Variants in PLCH1 observed in about 807,000 individuals in gnomAD.
The protein encoded by PLCH1 is 1-phosphatidylinositol 4,5-bisphosphate phosphodiesterase eta-1.
Under a neutral mutation model 126.7 loss-of-function variants are expected in PLCH1, and 60 were observed. The observed-to-expected ratio is 0.47, with a 90% confidence interval of 0.38 to 0.59. The LOEUF is 0.59. PLCH1 is among the 20% of genes least tolerant of loss of function. The probability of loss-of-function intolerance (pLI) is 0.00; values close to 1 mark genes in which losing one functional copy is unlikely to be tolerated. For missense variants in PLCH1, 1,723 were observed against 2,040.0 expected (o/e 0.84, Z 2.99); for synonymous variants, 719 against 734.9 (o/e 0.98, Z 0.35).
chr3:155,569,227 C>A (rs1560181946), intron 6 of PLCH1, among the ~76,000 whole-genome samples: 1 of 152,140 alleles, frequency 6.6e-6, no homozygotes, highest in East Asian at 1.9e-4. Context: ...TTTAGTCCCA[C>A]AATCTAACAT....
chr3:155,739,013 T>C (rs181089584), intron 1 of PLCH1, among the ~76,000 whole-genome samples: 1 of 152,312 alleles, frequency 6.6e-6, no homozygotes, highest in Admixed American at 6.5e-5. Context: ...CAATTGGCTG[T>C]GTGAACGATG....
At chr3:155,698,906 C>T (rs1406283611) in intron 2 of PLCH1, among the ~76,000 whole-genome samples, 1 of 151,638 alleles carries the variant, frequency 6.6e-6, no homozygotes, top group African/African-American at 2.4e-5. Flanking sequence ...TACCTGGCAA[C>T]GCTGCTTCCA....
At chr3:155,672,725 C>A (rs867721664) in intron 2 of PLCH1, among the ~76,000 whole-genome samples, 2 of 152,166 alleles carry the variant, frequency 1.3e-5, no homozygotes, top group South Asian at 4.2e-4. Context: ...TTTCTTGTAA[C>A]TAATTTATCC....
chr3:155,524,016 C>A lies in PLCH1; in HGVS notation c.1363-12G>T. ...GGCAACTTCTTACCCTGAAATGGAACAAAACATCCCATTTAAAAATGAGAA... is the reference window on the plus strand; with the variant it reads ...GGCAACTTCTTACCCTGAAATGGAAAAAAACATCCCATTTAAAAATGAGAA... On this transcript the variant is annotated splice_polypyrimidine_tract_variant and intron_variant, in intron 10 of 22. Transcript: ENST00000460012. 1 of 1,396,338 alleles carries A rather than the reference C, an allele frequency of 7.2e-7. No individual in the cohort carries two copies. The highest frequency in any genetic ancestry group is 2.3e-5 in the East Asian group (1 of 43,550). 86.5% of individuals were successfully genotyped at this position (1,396,338 alleles called of 1,614,324 possible).
At chr3:155,731,622 C>T (rs1373477646) in intron 1 of PLCH1, among the ~76,000 whole-genome samples, 1 of 152,138 alleles carries the variant, frequency 6.6e-6, no homozygotes, top group Admixed American at 6.5e-5. Flanking sequence ...AGTCAGTCTA[C>T]AAAGACTGGA....
At chr3:155,548,557 C>T (rs1439007426) in intron 10 of PLCH1, among the ~76,000 whole-genome samples, 1 of 152,186 alleles carries the variant, frequency 6.6e-6, no homozygotes, top group Admixed American at 6.5e-5. Context: ...AGAAAGATTT[C>T]AATCAAATGA....
chr3:155,497,420 G>A lies in PLCH1; in HGVS notation c.1797-3C>T. ...TGGTTTTCCTTCGGCGACCCAATCT[G>A]TGAAGTACCCACAGAGGATGCATGA... On this transcript the variant is annotated splice_region_variant and splice_polypyrimidine_tract_variant and intron_variant, in intron 14 of 22. Transcript: ENST00000460012. 6.2e-7 allele frequency: 1 copy of A among 1,605,048 alleles called. No individual in the cohort carries two copies.
intron 2 of PLCH1, among the ~76,000 whole-genome samples, chr3:155,645,740 G>GT (rs147229888): frequency 6.6e-6 from 1 of 151,982 alleles, no homozygotes; most frequent in Non-Finnish European, 1.5e-5. Context: ...GCTGGGAGAA[G>GT]TTTTTTAAAC....
At position 155,656,921 on chromosome 3, in the gene PLCH1, A is replaced by T. The variant is rs189941839; in HGVS notation, c.79+47225T>A. ...CAAGATAATCAAAGATAAAAATTTT[A>T]AAAATTTAGTAAGGTAGAAAGTTAT... On this transcript the variant is annotated intron_variant, in intron 2 of 22. Coordinates refer to ENST00000460012, the MANE Select transcript of PLCH1 (RefSeq NM_014996.4). Among the ~76,000 whole-genome samples the T allele has an allele frequency of 4.7e-3, 709 of 152,300 alleles. 4 individuals carry two copies. The highest frequency in any genetic ancestry group is 0.016 in the African/African-American group (679 of 41,588).
chr3:155,671,976 A>G (rs1743508350), intron 2 of PLCH1, among the ~76,000 whole-genome samples: 1 of 152,342 alleles, frequency 6.6e-6, no homozygotes, highest in East Asian at 1.9e-4. Context: ...AAATTTTTCA[A>G]CTTTTTAAAT....
At chr3:155,639,592 G>A (rs1739158328) in intron 2 of PLCH1, among the ~76,000 whole-genome samples, 1 of 152,198 alleles carries the variant, frequency 6.6e-6, no homozygotes, top group Admixed American at 6.5e-5. Context: ...GGGCTAAGGG[G>A]AGCAACAAAA....
At chr3:155,649,109 G>C (rs905858537) in intron 2 of PLCH1, among the ~76,000 whole-genome samples, 2 of 152,134 alleles carry the variant, frequency 1.3e-5, no homozygotes, top group Admixed American at 1.3e-4. Flanking sequence ...GAGGGCAAGA[G>C]GGGGGCTCAG....
At chr3:155,697,314 T>G (rs1745896717) in intron 2 of PLCH1, among the ~76,000 whole-genome samples, 1 of 152,108 alleles carries the variant, frequency 6.6e-6, no homozygotes, top group South Asian at 2.1e-4. Flanking sequence ...CTAGAGTGAC[T>G]CTAGGAGTCC....
rs777028532 is a variant in PLCH1, at chr3:155,482,718, C to T, written c.3308G>A (p.Gly1103Asp). 17 of 1,614,090 alleles carry T rather than the reference C, an allele frequency of 1.1e-5. No individual in the cohort carries two copies. Among genetic ancestry groups the T allele is most frequent in the Non-Finnish European group, 1.4e-5 (16 of 1,180,048 alleles). ...DLHGVKIKEKGNPEDFVEGKS... is the reference protein window; with the variant it reads ...DLHGVKIKEKDNPEDFVEGKS... ...CCCTTCCACAAAGTCCTCAGGATTA[C>T]CCTTTTCCTTGATTTTCACACCATG... Residue 1103 changes from glycine (G) to aspartate (D), a missense_variant, in exon 23 of 23, where the codon GGT becomes GAT. Transcript: ENST00000460012.
At chr3:155,546,507 A>G (rs1455063441) in intron 10 of PLCH1, among the ~76,000 whole-genome samples, 7 of 152,302 alleles carry the variant, frequency 4.6e-5, no homozygotes, top group Non-Finnish European at 1.0e-4. Flanking sequence ...CAAGCTACCA[A>G]TGACTTTCTT....
At chr3:155,725,386 T>G (rs1748240939) in intron 1 of PLCH1, among the ~76,000 whole-genome samples, 1 of 152,178 alleles carries the variant, frequency 6.6e-6, no homozygotes, top group African/African-American at 2.4e-5. Context: ...CTTTTGGTTT[T>G]TAGTCACCTA....
intron 1 of PLCH1, among the ~76,000 whole-genome samples, chr3:155,718,716 A>G (rs1455094763): frequency 6.6e-6 from 1 of 152,196 alleles, no homozygotes; most frequent in Non-Finnish European, 1.5e-5. Context: ...TTGCAAGGAC[A>G]TCACCAAGCC....
intron 10 of PLCH1, among the ~76,000 whole-genome samples, chr3:155,529,597 G>A (rs12639269): frequency 0.022 from 3,288 of 152,172 alleles, 55 homozygotes; most frequent in East Asian, 0.084. Flanking sequence ...AAGTACATAC[G>A]TTAATTTAAA....
intron 6 of PLCH1, among the ~76,000 whole-genome samples, chr3:155,576,279 T>G (rs2108564226): frequency 6.6e-6 from 1 of 152,280 alleles, no homozygotes; most frequent in South Asian, 2.1e-4. Flanking sequence ...TCAACTCTAG[T>G]AAATACTTCG....
Sources: allele counts gnomAD v4.1 joint callset (sites outside exome capture counted in the v4.1 genomes callset), GRCh38; gene constraint gnomAD v4.1.1; transcripts MANE v1.5; gene names NCBI Gene and HGNC (gene_info 2026-07-23, HGNC 2026-07-21).